Variants in NIF3L1 observed in about 807,000 individuals in gnomAD.
The protein encoded by NIF3L1 is NGG1 interacting factor 3 like 1.
Under a neutral mutation model 35.0 loss-of-function variants are expected in NIF3L1, and 26 were observed. That is an observed-to-expected ratio of 0.74 (90% CI 0.54 to 1.03). The LOEUF (loss-of-function observed/expected upper bound fraction) is 1.03, where lower values mean the gene tolerates loss of function less well. NIF3L1 is among the 50% of genes least tolerant of loss of function. The probability of loss-of-function intolerance (pLI) is 0.00; values close to 1 mark genes in which losing one functional copy is unlikely to be tolerated. For missense variants in NIF3L1, 449 were observed against 466.3 expected (o/e 0.96, Z 0.34); for synonymous variants, 157 against 178.9 (o/e 0.88, Z 0.98).
At chr2:200,890,705 T>A (rs1318443632) in intron 1 of NIF3L1, 1 of 152,176 alleles carries the variant, frequency 6.6e-6, no homozygotes, top group Non-Finnish European at 1.5e-5. Context: ...CCTCCCACCT[T>A]CCCTCTGTTG....
At chr2:200,893,168 T>A (rs2040235145) in intron 2 of NIF3L1, 78 bp from the exon 3 acceptor site, 2 of 1,105,662 alleles carry the variant, frequency 1.8e-6, no homozygotes, top group Non-Finnish European at 1.3e-6. Context: ...TCTTAGAAAT[T>A]TTGCCTATAA....
At chr2:200,893,768 C>A (rs374132183) in intron 3 of NIF3L1, among the ~76,000 whole-genome samples, 1 of 152,146 alleles carries the variant, frequency 6.6e-6, no homozygotes. Flanking sequence ...CAGTGATTCC[C>A]AAGTGCTTTT....
chr2:200,892,384 G>A lies in NIF3L1; in HGVS notation c.436+5G>A, dbSNP rs1484839421. The A allele has an allele frequency of 6.4e-7, 1 of 1,562,718 alleles. No homozygotes were observed. The highest frequency in any genetic ancestry group is 1.2e-5 in the South Asian group (1 of 85,184). On this transcript the variant is annotated splice_donor_5th_base_variant and intron_variant, in intron 2 of 6. Transcript: ENST00000409020. ...ACTGGTTGGCTAAAGGGCTTGGTGA[G>A]AAGCCTCTTTCATATTTGATATTTT...
chr2:200,895,873 C>A (rs2040300411), intron 4 of NIF3L1, among the ~76,000 whole-genome samples: 1 of 152,042 alleles, frequency 6.6e-6, no homozygotes, highest in Non-Finnish European at 1.5e-5. Context: ...GAAAAAATGA[C>A]AAGAACCCAT....
chr2:200,899,406 C>G lies in NIF3L1; in HGVS notation c.887C>G (p.Ala296Gly). ...GAAGAGTCTCAAGTCAAAGTCGTGG[C>G]CCTGTGTGCTGGTTCTGGGAGCAGC... Reference protein sequence around the residue: ...RTLESQVKVVALCAGSGSSVL... With the variant: ...RTLESQVKVVGLCAGSGSSVL... The change falls in exon 6 of 7, where the codon GCC (alanine) becomes GGC (glycine). Residue 296 changes from alanine (A) to glycine (G), a missense_variant. Physicochemically the swap from Ala to Gly is moderately conservative, Grantham distance 60. Transcript: ENST00000409020. The G allele has an allele frequency of 6.2e-7, 1 of 1,613,972 alleles. No homozygotes were observed.
chr2:200,903,415 G>T, intron 6 of NIF3L1, 79 bp from the exon 7 acceptor site: 1 of 1,123,538 alleles, frequency 8.9e-7, no homozygotes, highest in South Asian at 1.3e-5. Context: ...CTACAAACTT[G>T]GTATTTCTGC....
chr2:200,890,265 G>A (rs192208940), intron 1 of NIF3L1, among the ~76,000 whole-genome samples: 218 of 152,200 alleles, frequency 1.4e-3, no homozygotes, highest in Admixed American at 2.9e-3. Flanking sequence ...GGCTGAGGTG[G>A]GAGGATCTGC....
At chr2:200,897,007 T>G (rs766035815) in intron 4 of NIF3L1, 69 bp from the exon 5 acceptor site, 20 of 1,473,284 alleles carry the variant, frequency 1.4e-5, no homozygotes, top group Non-Finnish European at 1.8e-5. Context: ...GTGTGCATGT[T>G]GATGATTTTA....
In NIF3L1 at chr2:200,895,501, G is replaced by A. The variant is rs2040291065; in HGVS notation, c.726+111G>A. ...GTATATTGAGGTATACCTTATTGAG[G>A]TATAATTGATATACTAAGAATTGTA... On this transcript the variant is annotated intron_variant, in intron 4 of 6. Coordinates refer to ENST00000409020, the MANE Select transcript of NIF3L1 (RefSeq NM_001369441.2). 5 of 1,016,660 alleles carry A rather than the reference G, an allele frequency of 4.9e-6. No homozygotes were observed. The South Asian group carries it at 6.0e-5, about 12-fold the overall frequency. 63.0% of individuals were successfully genotyped at this position (1,016,660 alleles called of 1,614,324 possible).
At chr2:200,899,828 G>A (rs2040382747) in intron 6 of NIF3L1, among the ~76,000 whole-genome samples, 2 of 151,988 alleles carry the variant, frequency 1.3e-5, no homozygotes, top group Admixed American at 1.3e-4. Flanking sequence ...ATCAATTCAA[G>A]CTCCCAAATC....
intron 6 of NIF3L1, 122 bp from the exon 7 acceptor site, chr2:200,903,372 C>T (rs989770173): frequency 5.4e-6 from 4 of 744,688 alleles, no homozygotes; most frequent in Middle Eastern, 2.5e-4. Context: ...ATATGTAAAA[C>T]AGTTCTGCTC....
In NIF3L1 at chr2:200,893,337, C is replaced by T; in HGVS notation, c.528C>T (p.Thr176=). The T allele has an allele frequency of 5.0e-6, 8 of 1,613,506 alleles. No homozygotes were observed. The highest frequency in any genetic ancestry group is 5.9e-6 in the Non-Finnish European group (7 of 1,179,686). The change falls in exon 3 of 7, where the codon ACC becomes ACT. Residue 176 remains threonine, a synonymous_variant. Coordinates refer to ENST00000409020, the MANE Select transcript of NIF3L1 (RefSeq NM_001369441.2). ...NHRVEFNVNY[T]QDLDKVMSAV... is the part of the protein sequence containing the mutation. ...GAGTAGAATTCAACGTTAACTACAC[C>T]CAAGACCTGGACAAAGTCATGTCTG...
In NIF3L1 at chr2:200,897,127, G is replaced by A; in HGVS notation, c.778G>A (p.Val260Ile). Residue 260 changes from valine to isoleucine, a missense_variant, in exon 5 of 7, where the codon GTC (valine) becomes ATC (isoleucine). Coordinates refer to ENST00000409020, the MANE Select transcript of NIF3L1 (RefSeq NM_001369441.2). ...ACGGTTATGCACACTGGATGAATCTGTCTCCCTGGCAACCATGATTGATCG... is the reference window on the plus strand; with the variant it reads ...ACGGTTATGCACACTGGATGAATCTATCTCCCTGGCAACCATGATTGATCG... Reference protein sequence around the residue: ...MGRLCTLDESVSLATMIDRIK... With the variant: ...MGRLCTLDESISLATMIDRIK... 1 of 1,614,022 alleles carries A rather than the reference G, an allele frequency of 6.2e-7. No individual in the cohort carries two copies. Among genetic ancestry groups the A allele is most frequent in the Non-Finnish European group, 8.5e-7 (1 of 1,179,920 alleles).
rs2040213821 is a variant in NIF3L1 at position 200,892,299 on chromosome 2, A to T, written c.356A>T (p.Asn119Ile). The change falls in exon 2 of 7, where the codon AAC becomes ATC. Residue 119 changes from asparagine to isoleucine, a missense_variant. Coordinates refer to ENST00000409020, the MANE Select transcript of NIF3L1 (RefSeq NM_001369441.2). ...CGCCTGGTGATCCGGGCTCTGGAGA[A>T]CAGAGTCGGTATCTACTCTCCTCAT... The part of the protein sequence containing the change: ...KERLVIRALE[N>I]RVGIYSPHTA... 1 of 1,613,834 alleles carries T rather than the reference A, an allele frequency of 6.2e-7. No homozygotes were observed. Among genetic ancestry groups the T allele is most frequent in the African/African-American group, 1.3e-5 (1 of 74,942 alleles).
intron 3 of NIF3L1, 23 bp from the exon 4 acceptor site, chr2:200,895,241 A>T: frequency 6.2e-7 from 1 of 1,610,688 alleles, no homozygotes; most frequent in Non-Finnish European, 8.5e-7. Flanking sequence ...TTTGTCCTAA[A>T]TGGAGTGATT....
rs1249881299 is a variant in NIF3L1 at position 200,895,322 on chromosome 2, C to G, written c.658C>G (p.Gln220Glu). 1 of 1,613,520 alleles carries G rather than the reference C, an allele frequency of 6.2e-7. No homozygotes were observed. Among genetic ancestry groups the G allele is most frequent in the East Asian group, 2.2e-5 (1 of 44,860 alleles). ...GAATTGTACTCAGAAGGCTTTGATGCAGGTGGTAGATTTTCTTTCCCGGAA... is the reference window on the plus strand; with the variant it reads ...GAATTGTACTCAGAAGGCTTTGATGGAGGTGGTAGATTTTCTTTCCCGGAA... ...NLNCTQKALM[Q>E]VVDFLSRNKQ... Residue 220 changes from glutamine to glutamate, a missense_variant, in exon 4 of 7, where the codon CAG (glutamine) becomes GAG (glutamate). Physicochemically the swap from Gln to Glu is conservative, Grantham distance 29. Transcript: ENST00000409020.
intron 1 of NIF3L1, among the ~76,000 whole-genome samples, chr2:200,890,805 C>T (rs976771866): frequency 2.6e-5 from 4 of 152,162 alleles, no homozygotes; most frequent in Middle Eastern, 3.2e-3. Context: ...CCCCTCCCAC[C>T]TCTTGAGCCT....
At chr2:200,898,621 T>C (rs1409562306) in intron 5 of NIF3L1, among the ~76,000 whole-genome samples, 1 of 152,168 alleles carries the variant, frequency 6.6e-6, no homozygotes, top group Non-Finnish European at 1.5e-5. Flanking sequence ...GAGGTGGGAT[T>C]TGACTTCCAA....
intron 3 of NIF3L1, 111 bp downstream of exon 3, chr2:200,893,519 G>A: frequency 9.7e-7 from 1 of 1,034,558 alleles, no homozygotes; most frequent in Non-Finnish European, 1.4e-6. Flanking sequence ...CTCTGGAGTT[G>A]ATTTACAAAG....
Sources: gnomAD v4.1 joint callset for allele counts (sites outside exome capture counted in the v4.1 genomes callset) on GRCh38, gnomAD v4.1.1 for gene constraint, MANE v1.5 for transcripts, NCBI Gene and HGNC (gene_info 2026-07-23, HGNC 2026-07-21) for gene names.